ZNF541: variants seen among roughly 807,000 people sequenced by gnomAD.
ZNF541 encodes the protein zinc finger protein 541.
A neutral mutation model predicts 123.5 loss-of-function variants in ZNF541; 23 were observed. That is an observed-to-expected ratio of 0.19 (90% CI 0.13 to 0.26). The LOEUF (loss-of-function observed/expected upper bound fraction) is 0.26, where lower values mean the gene tolerates loss of function less well. ZNF541 is among the 10% of genes least tolerant of loss of function. The probability of loss-of-function intolerance (pLI) is 1.00; values close to 1 mark genes in which losing one functional copy is unlikely to be tolerated. For synonymous variants in ZNF541, 751 were observed against 754.5 expected (o/e 1.00, Z 0.08); for missense variants, 1,612 against 1,789.9 (o/e 0.90, Z 1.79).
chr19:47,561,645 C>T (rs1312498756), intron 2 of ZNF541, among the ~76,000 whole-genome samples: 2 of 151,870 alleles, frequency 1.3e-5, no homozygotes, highest in African/African-American at 4.8e-5. Flanking sequence ...GGTTGTTAAC[C>T]GCCTGCCTGA....
chr19:47,568,748 T>C (rs535635201), intron 2 of ZNF541, among the ~76,000 whole-genome samples: 23 of 152,142 alleles, frequency 1.5e-4, no homozygotes, highest in East Asian at 3.9e-4. Context: ...CCTTGGCTCA[T>C]TGCAACCTCC....
intron 3 of ZNF541, among the ~76,000 whole-genome samples, chr19:47,550,279 CAGGAAGGAAGGAAGG>C (rs1409037337): frequency 3.0e-5 from 4 of 132,064 alleles, no homozygotes; most frequent in South Asian, 4.7e-4. Context: ...GAAAGAAAGA[CAGGAAGGAAGGAAGG>C]AGGAAGGAAG....
At position 47,545,953 on chromosome 19, in the gene ZNF541, C is replaced by T; in HGVS notation, c.576G>A (p.Lys192=). Residue 192 remains lysine, a synonymous_variant, in exon 5 of 17, where the codon AAG becomes AAA. Transcript: ENST00000391901. This position sits in a 1 kb window ranked among gnomAD's most constrained non-coding sequence, Gnocchi z 7.5. ...GCTCGATGCACACGAAGGGCTTTGTCTTCTGGTGGGTGAGCATGTGCCCGG... is the reference window on the plus strand; with the variant it reads ...GCTCGATGCACACGAAGGGCTTTGTTTTCTGGTGGGTGAGCATGTGCCCGG... ...HLTGHMLTHQ[K]TKPFVCIEQG... The T allele has an allele frequency of 6.7e-7, 1 of 1,496,430 alleles. No individual in the cohort carries two copies. Among genetic ancestry groups the T allele is most frequent in the South Asian group, 1.3e-5 (1 of 76,986 alleles). The allele number at this position is 1,496,430 out of a possible 1,614,324, so 92.7% of individuals were successfully genotyped here.
In ZNF541 at chr19:47,570,049, C is replaced by A. The variant is rs542736102; in HGVS notation, c.-99+1847G>T. 5.3e-5 allele frequency among the ~76,000 whole-genome samples: 8 copies of A among 151,746 alleles called. No individual in the cohort carries two copies. In the South Asian group the frequency reaches 1.7e-3, roughly 32 times the overall value. Reference sequence around the variant, plus strand: ...CAGCACTTTGGGAGGCTGAGGCGGGCAGATCACAAGGTCAGGAGATCGAGA... The same window carrying A: ...CAGCACTTTGGGAGGCTGAGGCGGGAAGATCACAAGGTCAGGAGATCGAGA... On this transcript the variant is annotated intron_variant, in intron 2 of 16. Coordinates refer to ENST00000391901, the MANE Select transcript of ZNF541 (RefSeq NM_001277075.3).
Position 47,539,882 on chromosome 19 carries a change from A to C in ZNF541, c.2623-4T>G, listed in dbSNP as rs555332395. ...TGCAAAACTCTGTGCCAAACACCTAAACACAGAAGAGAAGAGATGGCTCTT... is the reference window on the plus strand; with the variant it reads ...TGCAAAACTCTGTGCCAAACACCTACACACAGAAGAGAAGAGATGGCTCTT... On this transcript the variant is annotated splice_region_variant and splice_polypyrimidine_tract_variant and intron_variant, in intron 7 of 16. Coordinates refer to ENST00000391901, the MANE Select transcript of ZNF541 (RefSeq NM_001277075.3). The C allele has an allele frequency of 3.9e-6, 6 of 1,523,986 alleles. No individual in the cohort carries two copies. The South Asian group carries it at 6.3e-5, about 16-fold the overall frequency. The allele number at this position is 1,523,986 out of a possible 1,614,324, so 94.4% of individuals were successfully genotyped here.
At chr19:47,539,608 C>CA (rs1969986326) in intron 8 of ZNF541, 97 bp downstream of exon 8, 3 of 1,305,662 alleles carry the variant, frequency 2.3e-6, no homozygotes, top group Non-Finnish European at 3.0e-6. Flanking sequence ...AGCCTGGAGT[C>CA]AAAGATTTTC....
At chr19:47,546,206 TA>T (rs113946046) in intron 4 of ZNF541, among the ~76,000 whole-genome samples, 400 of 125,622 alleles carry the variant, frequency 3.2e-3, no homozygotes, top group Middle Eastern at 4.5e-3. Context: ...TACAGAAAAG[TA>T]AAAAAAAAAA....
At chr19:47,529,188 G>C in intron 13 of ZNF541, 150 bp from the exon 14 acceptor site, 1 of 650,926 alleles carries the variant, frequency 1.5e-6, no homozygotes, top group Non-Finnish European at 2.6e-6. Flanking sequence ...GTCTCCAGAA[G>C]GGAGGGACCA....
At chr19:47,563,900 C>T (rs948035527) in intron 2 of ZNF541, among the ~76,000 whole-genome samples, 7 of 152,228 alleles carry the variant, frequency 4.6e-5, no homozygotes, top group African/African-American at 7.2e-5. Flanking sequence ...GCCCCCGCGC[C>T]TGGCCTAAAA....
At chr19:47,562,594 T>C (rs2123369921) in intron 2 of ZNF541, among the ~76,000 whole-genome samples, 1 of 151,936 alleles carries the variant, frequency 6.6e-6, no homozygotes, top group African/African-American at 2.4e-5. Context: ...ACAGATAAAA[T>C]GTCCAGTTTT....
intron 14 of ZNF541, 96 bp from the exon 15 acceptor site, chr19:47,522,090 C>T (rs544243258): frequency 5.9e-5 from 86 of 1,460,314 alleles, no homozygotes; most frequent in South Asian, 5.9e-4. Context: ...GAAAGCCCTC[C>T]GGAAGCACCT....
chr19:47,544,579 T>G lies in ZNF541; in HGVS notation c.1950A>C (p.Gly650=). The G allele has an allele frequency of 6.4e-7, 1 of 1,550,944 alleles. No homozygotes were observed. Among genetic ancestry groups the G allele is most frequent in the South Asian group, 1.2e-5 (1 of 84,048 alleles). The part of the protein sequence containing the change: ...PGSTRRDAKG[G]LKVAAVPTPL... ...GCGTTGGAACCGCGGCCACTTTCAG[T>G]CCCCCCTTTGCGTCTCGTCTCGTGC... The change falls in exon 5 of 17, where the codon GGA becomes GGC. Residue 650 remains glycine, a synonymous_variant. Transcript: ENST00000391901.
At chr19:47,523,433 A>G (rs1969141861) in intron 14 of ZNF541, among the ~76,000 whole-genome samples, 1 of 152,054 alleles carries the variant, frequency 6.6e-6, no homozygotes, top group South Asian at 2.1e-4. Flanking sequence ...AACTCCAGAA[A>G]AGACATTCTC....
chr19:47,547,572 C>T (rs1970407748), intron 4 of ZNF541, among the ~76,000 whole-genome samples: 1 of 152,106 alleles, frequency 6.6e-6, no homozygotes, highest in South Asian at 2.1e-4. Context: ...AGTTCTACCC[C>T]CAGCTATTAC....
At position 47,545,549 on chromosome 19, in the gene ZNF541, G is replaced by A. The variant is rs1269045925; in HGVS notation, c.980C>T (p.Pro327Leu). The A allele has an allele frequency of 6.5e-7, 1 of 1,535,956 alleles. No homozygotes were observed. Among genetic ancestry groups the A allele is most frequent in the South Asian group, 1.2e-5 (1 of 82,192 alleles). ...GGGAAGCTCGGTGTCCAGCGCTGCT[G>A]GGGCCGCGTGGGGGCCGGCTGGGGT... ...SCTPAGPHAAPAALDTELPEE... is the reference protein window; with the variant it reads ...SCTPAGPHAALAALDTELPEE... Residue 327 changes from proline to leucine, a missense_variant, in exon 5 of 17, where the codon CCA (proline) becomes CTA (leucine). By Grantham distance (98) the Pro-to-Leu change is moderately conservative. Transcript: ENST00000391901. This position sits in a 1 kb window ranked among gnomAD's most constrained non-coding sequence, Gnocchi z 7.5.
At chr19:47,571,100 A>G (rs1971461694) in intron 2 of ZNF541, among the ~76,000 whole-genome samples, 1 of 151,988 alleles carries the variant, frequency 6.6e-6, no homozygotes, top group Admixed American at 6.6e-5. Context: ...GGCATATTTT[A>G]TAAGTTCCCT....
intron 2 of ZNF541, among the ~76,000 whole-genome samples, chr19:47,571,010 C>A (rs34828526): frequency 0.36 from 54,426 of 151,846 alleles, 14,254 homozygotes; most frequent in African/African-American, 0.74. Flanking sequence ...TCCTGCATGT[C>A]CACATACACA....
intron 7 of ZNF541, 140 bp from the exon 8 acceptor site, chr19:47,540,018 A>G: frequency 7.0e-7 from 1 of 1,423,806 alleles, no homozygotes; most frequent in Non-Finnish European, 9.3e-7. Context: ...GCTGCAGCCC[A>G]TGGCAATGGC....
intron 3 of ZNF541, among the ~76,000 whole-genome samples, chr19:47,551,377 T>C (rs1320001296): frequency 1.3e-5 from 2 of 151,948 alleles, no homozygotes; most frequent in East Asian, 1.9e-4. Flanking sequence ...ATTTTCTTGA[T>C]AGAGATGGGG....
Sources: allele counts gnomAD v4.1 joint callset (sites outside exome capture counted in the v4.1 genomes callset), GRCh38; gene constraint gnomAD v4.1.1; non-coding constraint Gnocchi (gnomAD v3.1); transcripts MANE v1.5; gene names NCBI Gene and HGNC (gene_info 2026-07-23, HGNC 2026-07-21).